Variants in GPATCH1 observed in about 807,000 individuals in gnomAD.
GPATCH1 encodes G patch domain-containing protein 1.
A neutral mutation model predicts 114.9 loss-of-function variants in GPATCH1; 73 were observed. The ratio of observed to expected loss-of-function variants is 0.64; its 90% CI spans 0.53 to 0.77. The LOEUF is 0.77. Among genes scored for constraint, GPATCH1 ranks in the 30% least tolerant of loss-of-function variants. The probability of loss-of-function intolerance (pLI) is 0.00; values close to 1 mark genes in which losing one functional copy is unlikely to be tolerated. For synonymous variants in GPATCH1, 391 were observed against 428.4 expected (o/e 0.91, Z 1.08); for missense variants, 1,058 against 1,144.3 (o/e 0.92, Z 1.09).
intron 7 of GPATCH1, among the ~76,000 whole-genome samples, chr19:33,097,019 C>G (rs1972669129): frequency 6.6e-6 from 1 of 150,524 alleles, no homozygotes; most frequent in African/African-American, 2.4e-5. Context: ...GATCTCGGCT[C>G]ACCGCAACCT....
intron 1 of GPATCH1, among the ~76,000 whole-genome samples, chr19:33,086,849 C>T (rs555753720): frequency 6.6e-6 from 1 of 151,988 alleles, no homozygotes; most frequent in Admixed American, 6.6e-5. Context: ...TCGCTCACAC[C>T]TGTAATCCCA....
At chr19:33,117,686 G>A (rs1972931273) in intron 15 of GPATCH1, 139 bp from the exon 16 acceptor site, 1 of 651,334 alleles carries the variant, frequency 1.5e-6, no homozygotes, top group South Asian at 1.8e-5. Context: ...TCACTGTTTA[G>A]TTGGGTGGTG....
chr19:33,114,926 G>A (rs906088720), intron 15 of GPATCH1, among the ~76,000 whole-genome samples: 3 of 149,296 alleles, frequency 2.0e-5, no homozygotes, highest in East Asian at 2.0e-4. Flanking sequence ...TCCTGCCTCA[G>A]CTTCCCAAGT....
intron 8 of GPATCH1, 54 bp from the exon 9 acceptor site, chr19:33,101,441 G>A (rs1295800697): frequency 1.0e-6 from 1 of 981,784 alleles, no homozygotes; most frequent in East Asian, 2.4e-5. Flanking sequence ...GATGTGTTCT[G>A]TCTTATTCTA....
chr19:33,125,094 TTG>T lies in GPATCH1; in HGVS notation c.2522-7_2522-6del. 1 of 1,590,544 alleles carries T rather than the reference TTG, an allele frequency of 6.3e-7. No individual in the cohort carries two copies. The highest frequency in any genetic ancestry group is 8.6e-7 in the Non-Finnish European group (1 of 1,168,520). On this transcript the variant is annotated splice_polypyrimidine_tract_variant and intron_variant, in intron 17 of 19. Coordinates refer to ENST00000170564, the MANE Select transcript of GPATCH1 (RefSeq NM_018025.3). ...TATATAGGTCCTGTGTTTATTACCT[TTG>T]TGTTTCAGATGCTCGTCAGACACTT...
intron 12 of GPATCH1, 134 bp downstream of exon 12, chr19:33,112,036 G>C: frequency 1.6e-6 from 1 of 637,246 alleles, no homozygotes; most frequent in Non-Finnish European, 2.7e-6. Context: ...TGTGATCTCG[G>C]CTCACTGCAG....
intron 16 of GPATCH1, 32 bp from the exon 17 acceptor site, chr19:33,118,978 A>G: frequency 7.6e-7 from 1 of 1,322,464 alleles, no homozygotes; most frequent in Non-Finnish European, 1.1e-6. Flanking sequence ...CATGGGGCAG[A>G]CGAATGACAT....
chr19:33,093,671 C>T (rs1972623108), intron 4 of GPATCH1, 152 bp downstream of exon 4: 4 of 726,114 alleles, frequency 5.5e-6, no homozygotes, highest in African/African-American at 3.5e-5. Flanking sequence ...AAGGATCTTG[C>T]ACTGTCATTG....
chr19:33,098,905 T>A (rs1017967255), intron 8 of GPATCH1, among the ~76,000 whole-genome samples: 3 of 151,974 alleles, frequency 2.0e-5, no homozygotes, highest in African/African-American at 7.2e-5. Flanking sequence ...ACTTCCTTTT[T>A]TTTTTCCTTC....
At chr19:33,081,668 C>T (rs535098444) in intron 1 of GPATCH1, among the ~76,000 whole-genome samples, 1 of 151,862 alleles carries the variant, frequency 6.6e-6, no homozygotes, top group South Asian at 2.1e-4. Flanking sequence ...TGGCAAAGGC[C>T]CTGAAGTGGG....
Position 33,112,503 on chromosome 19 carries a change from G to A in GPATCH1, c.1782G>A (p.Lys594=). ...PRDQENDVGD[K]QSAVKMKMFG... The stretch of plus-strand genomic sequence containing the variant: ...TTTTCCAGAATGATGTCGGGGATAA[G>A]CAGTCGGCTGTGAAGATGAAGATGT... The change falls in exon 13 of 20, where the codon AAG becomes AAA. Residue 594 remains lysine, a synonymous_variant. Transcript: ENST00000170564. 3.7e-6 allele frequency: 6 copies of A among 1,614,080 alleles called. No homozygotes were observed. Among genetic ancestry groups the A allele is most frequent in the Non-Finnish European group, 5.1e-6 (6 of 1,180,006 alleles).
intron 13 of GPATCH1, 21 bp downstream of exon 13, chr19:33,112,634 C>T (rs762152820): frequency 8.1e-6 from 13 of 1,600,838 alleles, no homozygotes; most frequent in Admixed American, 1.7e-5. Flanking sequence ...TAAACCTTTA[C>T]ATCAGTACAA....
At position 33,119,091 on chromosome 19, in the gene GPATCH1, C is replaced by T. The variant is rs775673791; in HGVS notation, c.2495C>T (p.Pro832Leu). Reference sequence around the variant, plus strand: ...ATAGATGAAAGAGAAGAGTTCGGCCCGCGGCTGCCTCCCGTCTTCTGCCCC... The same window carrying T: ...ATAGATGAAAGAGAAGAGTTCGGCCTGCGGCTGCCTCCCGTCTTCTGCCCC... ...MQIDEREEFG[P>L]RLPPVFCPNA... The change falls in exon 17 of 20, where the codon CCG becomes CTG. Residue 832 changes from proline (P) to leucine (L), a missense_variant. This residue lies in a region of GPATCH1 where 893 missense variants were observed against 977.4 expected (regional missense o/e 0.91). Coordinates refer to ENST00000170564, the MANE Select transcript of GPATCH1 (RefSeq NM_018025.3). The T allele has an allele frequency of 3.0e-5, 48 of 1,610,902 alleles. No individual in the cohort carries two copies. In the East Asian group the frequency reaches 4.7e-4, roughly 16 times the overall value.
chr19:33,104,003 A>T (rs1972754938), intron 9 of GPATCH1, among the ~76,000 whole-genome samples: 1 of 152,096 alleles, frequency 6.6e-6, no homozygotes, highest in African/African-American at 2.4e-5. Context: ...GGTCAAACAG[A>T]ACAATGATTT....
At position 33,117,997 on chromosome 19, in the gene GPATCH1, G is replaced by T; in HGVS notation, c.2369G>T (p.Ser790Ile). The T allele has an allele frequency of 6.2e-7, 1 of 1,613,728 alleles. No homozygotes were observed. Among genetic ancestry groups the T allele is most frequent in the Non-Finnish European group, 8.5e-7 (1 of 1,179,934 alleles). The change falls in exon 16 of 20, where the codon AGC (serine) becomes ATC (isoleucine). Residue 790 changes from serine (S) to isoleucine (I), a missense_variant. Physicochemically the swap from Ser to Ile is moderately radical, Grantham distance 142. Around this residue, in one of 3 missense-constraint regions of GPATCH1, gnomAD observed 893 missense variants for 977.4 expected, o/e 0.91. Coordinates refer to ENST00000170564, the MANE Select transcript of GPATCH1 (RefSeq NM_018025.3). Reference protein sequence around the residue: ...QAGSGEANFQSSQDTDLGETS... With the variant: ...QAGSGEANFQISQDTDLGETS... The stretch of plus-strand genomic sequence containing the variant: ...GGCTCTGGGGAGGCCAACTTCCAAA[G>T]CTCCCAAGACACTGACTTGGGGGAA...
rs762174960 is a variant in GPATCH1, at chr19:33,095,836, A to C, written c.612+16A>C. The C allele has an allele frequency of 6.5e-7, 1 of 1,550,368 alleles. No individual in the cohort carries two copies. Among genetic ancestry groups the C allele is most frequent in the Non-Finnish European group, 8.9e-7 (1 of 1,123,634 alleles). Reference sequence around the variant, plus strand: ...AGGATCTGAGGTATTGCATGGTGTGACTGACCTTCACTTTGGTACAACAGC... The same window carrying C: ...AGGATCTGAGGTATTGCATGGTGTGCCTGACCTTCACTTTGGTACAACAGC... On this transcript the variant is annotated intron_variant, in intron 6 of 19. Coordinates refer to ENST00000170564, the MANE Select transcript of GPATCH1 (RefSeq NM_018025.3).
At chr19:33,081,772 G>C (rs907717021) in intron 1 of GPATCH1, among the ~76,000 whole-genome samples, 1 of 152,142 alleles carries the variant, frequency 6.6e-6, no homozygotes. Context: ...CAGAGGGGCT[G>C]ACAGGGGCTG....
At position 33,113,797 on chromosome 19, in the gene GPATCH1, G is replaced by C. The variant is rs1972885156; in HGVS notation, c.1923G>C (p.Lys641Asn). The C allele has an allele frequency of 6.2e-7, 1 of 1,613,702 alleles. No homozygotes were observed. Among genetic ancestry groups the C allele is most frequent in the Middle Eastern group, 1.7e-4 (1 of 6,060 alleles). The change falls in exon 14 of 20, where the codon AAG becomes AAC. Residue 641 changes from lysine (K) to asparagine (N), a missense_variant. Lys to Asn is a moderately conservative substitution (Grantham distance 94, BLOSUM62 0). Coordinates refer to ENST00000170564, the MANE Select transcript of GPATCH1 (RefSeq NM_018025.3). ...DSTLVGLPRV[K>N]RDKYSVFNFL... ...CTTTAGTTGGCTTACCAAGAGTGAA[G>C]CGTGACAAGTACTCAGTCTTCAACT...
chr19:33,129,958 A>C (rs1973084477), intron 19 of GPATCH1, among the ~76,000 whole-genome samples, 172 bp from the exon 20 acceptor site: 1 of 150,662 alleles, frequency 6.6e-6, no homozygotes. Context: ...GGAAAAAAAA[A>C]AAAAAGCACA....
Sources: gnomAD v4.1 joint callset for allele counts (sites outside exome capture counted in the v4.1 genomes callset) on GRCh38, gnomAD v4.1.1 for gene constraint, gnomAD v4.1.1 regional missense constraint, MANE v1.5 for transcripts, NCBI Gene and HGNC (gene_info 2026-07-23, HGNC 2026-07-21) for gene names.